Variants in VPS39 observed in about 807,000 individuals in gnomAD.
The protein encoded by VPS39 is vam6/Vps39-like protein.
VPS39 carries 70 observed loss-of-function variants against 121.0 expected under a neutral mutation model. That is an observed-to-expected ratio of 0.58 (90% CI 0.48 to 0.71). The LOEUF is 0.71. Among genes scored for constraint, VPS39 ranks in the 30% least tolerant of loss-of-function variants. VPS39 has a pLI of 0.00. For missense variants in VPS39, 818 were observed against 1,051.5 expected (o/e 0.78, Z 3.07); for synonymous variants, 378 against 398.1 (o/e 0.95, Z 0.60).
intron 17 of VPS39, 153 bp downstream of exon 17, chr15:42,165,565 T>C: frequency 3.3e-6 from 2 of 606,930 alleles, no homozygotes; most frequent in South Asian, 4.4e-5. Flanking sequence ...CTTGGTCTAC[T>C]GGGATCTTTT....
At position 42,178,285 on chromosome 15, in the gene VPS39, A is replaced by G. The variant is rs2049498991; in HGVS notation, c.893T>C (p.Val298Ala). 6.2e-7 allele frequency: 1 copy of G among 1,614,052 alleles called. No homozygotes were observed. The highest frequency in any genetic ancestry group is 1.3e-5 in the African/African-American group (1 of 74,904). The change falls in exon 10 of 25, where the codon GTC becomes GCC. Residue 298 changes from valine to alanine, a missense_variant. Physicochemically the swap from Val to Ala is moderately conservative, Grantham distance 64. Coordinates refer to ENST00000318006, the MANE Select transcript of VPS39 (RefSeq NM_015289.5). Reference protein sequence around the residue: ...SNHFVWRLIPVPMATQIQQLL... With the variant: ...SNHFVWRLIPAPMATQIQQLL... ...TTGTTGGATTTGGGTTGCCATGGGG[A>G]CAGGGATGAGTCTCCAAACAAAATG...
chr15:42,191,930 A>C, intron 2 of VPS39: 2 of 1,049,100 alleles, frequency 1.9e-6, no homozygotes, highest in Non-Finnish European at 2.8e-6. Flanking sequence ...AAGCCATGAA[A>C]CCCAGCCCAA....
chr15:42,162,187 A>T (rs746049433), intron 22 of VPS39, 21 bp from the exon 23 acceptor site: 4 of 1,613,920 alleles, frequency 2.5e-6, no homozygotes, highest in Non-Finnish European at 3.4e-6. Context: ...GAACAGAGAT[A>T]GGGACTGGGT....
At position 42,160,702 on chromosome 15, in the gene VPS39, C is replaced by T. The variant is rs1566886720; in HGVS notation, c.*52G>A. The T allele has an allele frequency of 1.5e-5, 23 of 1,556,594 alleles. No individual in the cohort carries two copies. Among genetic ancestry groups the T allele is most frequent in the Non-Finnish European group, 1.9e-5 (21 of 1,127,916 alleles). ...ATTCCTAAGGCCAGGTGCTCCTTCA[C>T]CTCTCTGGGAGAGCCAAGCTGTCCA... is the stretch of plus-strand genomic sequence containing the variant. On this transcript the variant is annotated 3_prime_UTR_variant, in exon 25 of 25. Coordinates refer to ENST00000318006, the MANE Select transcript of VPS39 (RefSeq NM_015289.5).
chr15:42,162,020 G>A lies in VPS39; in HGVS notation c.2460+12C>T. On this transcript the variant is annotated intron_variant, in intron 23 of 24. Coordinates refer to ENST00000318006, the MANE Select transcript of VPS39 (RefSeq NM_015289.5). The stretch of plus-strand genomic sequence containing the variant: ...AAAAGCCCACCCTAGAGTTTGGAAG[G>A]CCCATACCTACCCTCAGGAATTCTG... The A allele has an allele frequency of 6.2e-7, 1 of 1,614,116 alleles. No individual in the cohort carries two copies. The highest frequency in any genetic ancestry group is 8.5e-7 in the Non-Finnish European group (1 of 1,179,994).
chr15:42,186,688 A>G (rs952120356), intron 7 of VPS39, among the ~76,000 whole-genome samples: 22 of 152,242 alleles, frequency 1.4e-4, no homozygotes, highest in African/African-American at 5.3e-4. Context: ...TAGTATTTTT[A>G]CCAATAGGAT....
chr15:42,169,781 C>T lies in VPS39; in HGVS notation c.1176G>A (p.Val392=). The change falls in exon 12 of 25, where the codon GTG becomes GTA. Residue 392 remains valine, a synonymous_variant. Coordinates refer to ENST00000318006, the MANE Select transcript of VPS39 (RefSeq NM_015289.5). ...KQLQYPNPLP[V]LSGAELEKAH... The stretch of plus-strand genomic sequence containing the variant: ...CCTTCTCCAATTCAGCCCCGGAGAG[C>T]ACAGGCAATGGGTTGGGATACTGCA... 1.9e-6 allele frequency: 3 copies of T among 1,614,124 alleles called. No homozygotes were observed. Among genetic ancestry groups the T allele is most frequent in the Non-Finnish European group, 2.5e-6 (3 of 1,180,034 alleles).
At chr15:42,204,855 T>C (rs1000477405) in intron 1 of VPS39, among the ~76,000 whole-genome samples, 2 of 152,076 alleles carry the variant, frequency 1.3e-5, no homozygotes, top group Admixed American at 6.5e-5. Flanking sequence ...CTGGAAAATA[T>C]AGGTATGTAT....
chr15:42,185,509 G>C (rs1239970123), intron 7 of VPS39, among the ~76,000 whole-genome samples: 1 of 152,112 alleles, frequency 6.6e-6, no homozygotes, highest in African/African-American at 2.4e-5. Context: ...ATCAACTGAT[G>C]AATGGATAAA....
chr15:42,172,178 A>G (rs635617), intron 11 of VPS39, among the ~76,000 whole-genome samples: 20,080 of 152,194 alleles, frequency 0.13, 1,634 homozygotes, highest in South Asian at 0.24. Context: ...AGAATATAGG[A>G]AGAGTGAGAG....
intron 8 of VPS39, chr15:42,178,785 G>A (rs1004301515): frequency 3.9e-5 from 22 of 570,106 alleles, no homozygotes; most frequent in African/African-American, 2.2e-4. Context: ...GGAAGGTCAC[G>A]TAGGCCGGAA....
intron 4 of VPS39, among the ~76,000 whole-genome samples, chr15:42,190,751 C>T (rs975275455): frequency 6.6e-6 from 1 of 152,226 alleles, no homozygotes; most frequent in African/African-American, 2.4e-5. Flanking sequence ...TAAATTTTCA[C>T]TGTAACTTAC....
At chr15:42,174,610 G>C (rs2049411519) in intron 10 of VPS39, among the ~76,000 whole-genome samples, 1 of 152,212 alleles carries the variant, frequency 6.6e-6, no homozygotes, top group Non-Finnish European at 1.5e-5. Context: ...AAGCATGTGG[G>C]AGGGGTCCCC....
chr15:42,168,821 G>A (rs1166377959), intron 12 of VPS39, among the ~76,000 whole-genome samples: 1 of 152,150 alleles, frequency 6.6e-6, no homozygotes, highest in East Asian at 1.9e-4. Flanking sequence ...GGGATTACGG[G>A]CATGACCCAC....
chr15:42,193,243 CAT>C (rs1036152446), intron 2 of VPS39, among the ~76,000 whole-genome samples: 2 of 152,068 alleles, frequency 1.3e-5, no homozygotes, highest in African/African-American at 2.4e-5. Context: ...CATTTAAAAA[CAT>C]ATATGTATTT....
chr15:42,189,354 A>T, intron 4 of VPS39, 146 bp from the exon 5 acceptor site: 1 of 636,128 alleles, frequency 1.6e-6, no homozygotes, highest in South Asian at 1.8e-5. Flanking sequence ...TTTCACTAGG[A>T]TGATTCATTC....
intron 5 of VPS39, 29 bp downstream of exon 5, chr15:42,189,085 A>G: frequency 6.4e-7 from 1 of 1,559,846 alleles, no homozygotes; most frequent in Non-Finnish European, 8.8e-7. Context: ...TTAAAGCATA[A>G]AGCCAAATTT....
intron 17 of VPS39, 61 bp from the exon 18 acceptor site, chr15:42,165,174 C>A: frequency 2.0e-6 from 3 of 1,527,410 alleles, no homozygotes; most frequent in Non-Finnish European, 2.7e-6. Context: ...GGTCTCCCAG[C>A]CTCCCTCACA....
At position 42,166,815 on chromosome 15, in the gene VPS39, A is replaced by G; in HGVS notation, c.1476T>C (p.Ser492=). Residue 492 remains serine, a synonymous_variant, in exon 14 of 25, where the codon AGT becomes AGC. Transcript: ENST00000318006. Reference sequence around the variant, plus strand: ...TCTTCTCATACAGGATGATAAGCTCACTGTACTTGTGAGCCTTCTTTAGCA... The same window carrying G: ...TCTTCTCATACAGGATGATAAGCTCGCTGTACTTGTGAGCCTTCTTTAGCA... ...EHVLKKAHKY[S]ELIILYEKKG... is the part of the protein sequence containing the mutation. The G allele has an allele frequency of 6.2e-7, 1 of 1,614,150 alleles. No homozygotes were observed. The highest frequency in any genetic ancestry group is 8.5e-7 in the Non-Finnish European group (1 of 1,180,018).
Sources: allele counts gnomAD v4.1 joint callset (sites outside exome capture counted in the v4.1 genomes callset), GRCh38; gene constraint gnomAD v4.1.1; transcripts MANE v1.5; gene names NCBI Gene and HGNC (gene_info 2026-07-23, HGNC 2026-07-21).